CSMD3: variants seen among roughly 807,000 people sequenced by gnomAD.
The protein encoded by CSMD3 is CUB and Sushi multiple domains 3.
Under a neutral mutation model 435.2 loss-of-function variants are expected in CSMD3, and 177 were observed. The observed-to-expected ratio is 0.41, with a 90% CI of 0.36 to 0.46. The LOEUF (loss-of-function observed/expected upper bound fraction) is 0.46, where lower values mean the gene tolerates loss of function less well. Among genes scored for constraint, CSMD3 ranks in the 20% least tolerant of loss-of-function variants. CSMD3 has a pLI of 0.34. For missense variants in CSMD3, 4,265 were observed against 4,504.6 expected (o/e 0.95, Z 1.52); for synonymous variants, 1,656 against 1,520.5 (o/e 1.09, Z -2.07).
At chr8:112,847,083 G>C (rs550393020) in intron 11 of CSMD3, among the ~76,000 whole-genome samples, 3 of 152,118 alleles carry the variant, frequency 2.0e-5, no homozygotes, top group African/African-American at 7.2e-5. Flanking sequence ...GCTTTGTTAA[G>C]ACTGCCAACC....
At chr8:112,277,947 T>A (rs1410703003) in intron 59 of CSMD3, among the ~76,000 whole-genome samples, 3 of 152,136 alleles carry the variant, frequency 2.0e-5, no homozygotes, top group Admixed American at 1.3e-4. Context: ...GGAGCTACAA[T>A]CTAAGATGAG....
intron 1 of CSMD3, among the ~76,000 whole-genome samples, chr8:113,415,048 G>C (rs1392805466): frequency 1.3e-5 from 2 of 152,136 alleles, no homozygotes; most frequent in African/African-American, 4.8e-5. Flanking sequence ...CTAGTGAAAA[G>C]TAAGTTAATA....
At chr8:112,266,890 A>G (rs552885051) in intron 59 of CSMD3, among the ~76,000 whole-genome samples, 6 of 152,316 alleles carry the variant, frequency 3.9e-5, no homozygotes, top group African/African-American at 1.4e-4. Flanking sequence ...TACAAGTTAC[A>G]CTTTATTTTC....
intron 13 of CSMD3, among the ~76,000 whole-genome samples, chr8:112,797,727 G>A (rs139078171): frequency 7.5e-4 from 114 of 151,826 alleles, no homozygotes; most frequent in African/African-American, 2.7e-3. Context: ...AGGTGAACTT[G>A]CTAAAACTAT....
intron 12 of CSMD3, among the ~76,000 whole-genome samples, chr8:112,814,793 A>G (rs2132405507): frequency 6.6e-6 from 1 of 152,150 alleles, no homozygotes; most frequent in Non-Finnish European, 1.5e-5. Flanking sequence ...AAAAAAAAAA[A>G]AAATTTTTTT....
chr8:113,030,493 C>A (rs2087059947), intron 5 of CSMD3, among the ~76,000 whole-genome samples: 1 of 136,720 alleles, frequency 7.3e-6, no homozygotes, highest in South Asian at 2.3e-4. Context: ...CAGAAATAAA[C>A]CCAAATCCTT....
intron 16 of CSMD3, among the ~76,000 whole-genome samples, chr8:112,674,209 G>A (rs2075721689): frequency 6.6e-6 from 1 of 152,106 alleles, no homozygotes; most frequent in South Asian, 2.1e-4. Flanking sequence ...TCAGCACTTG[G>A]AGTAGAGAAG....
chr8:112,934,823 T>C (rs1185442855), intron 9 of CSMD3, among the ~76,000 whole-genome samples: 1 of 152,146 alleles, frequency 6.6e-6, no homozygotes, highest in East Asian at 1.9e-4. Flanking sequence ...ACTCTGTGAA[T>C]CTAGATGTAT....
At chr8:113,385,799 GA>G in intron 1 of CSMD3, among the ~76,000 whole-genome samples, 1 of 152,038 alleles carries the variant, frequency 6.6e-6, no homozygotes. Flanking sequence ...GATGGAGAGA[GA>G]AAAGAAGAAA....
At chr8:113,259,373 C>T (rs1282047909) in intron 3 of CSMD3, among the ~76,000 whole-genome samples, 1 of 152,136 alleles carries the variant, frequency 6.6e-6, no homozygotes, top group African/African-American at 2.4e-5. Flanking sequence ...GGATTAGCCT[C>T]AGGCAGAAAC....
intron 12 of CSMD3, among the ~76,000 whole-genome samples, chr8:112,816,472 T>G (rs1005081471): frequency 5.3e-5 from 8 of 152,150 alleles, no homozygotes; most frequent in Non-Finnish European, 1.2e-4. Context: ...CTAAAAAATA[T>G]CACCTTTCGC....
intron 52 of CSMD3, among the ~76,000 whole-genome samples, chr8:112,302,815 C>CA (rs986685413): frequency 6.6e-6 from 1 of 150,546 alleles, no homozygotes; most frequent in Admixed American, 6.6e-5. Context: ...CTCATCCCCC[C>CA]AAAAAAAATC....
intron 10 of CSMD3, among the ~76,000 whole-genome samples, chr8:112,879,487 C>T (rs1004441188): frequency 6.6e-6 from 1 of 152,034 alleles, no homozygotes. Context: ...TCACTCTGAC[C>T]TTCTGCTTTG....
intron 3 of CSMD3, among the ~76,000 whole-genome samples, chr8:113,238,358 C>G (rs774467162): frequency 2.0e-5 from 3 of 152,018 alleles, no homozygotes; most frequent in Non-Finnish European, 2.9e-5. Flanking sequence ...GGGAAAACAT[C>G]CACTTTTTCA....
rs56269027 is a variant in CSMD3, at chr8:113,318,786, ATGTGTGTGTGTGTG to A, written c.179-4007_179-3994del. Among the ~76,000 whole-genome samples the A allele has an allele frequency of 1.0e-4, 14 of 140,156 alleles. No homozygotes were observed. In the South Asian group the frequency reaches 2.1e-3, roughly 21 times the overall value. 91.9% of individuals were successfully genotyped at this position (140,156 alleles called of 152,430 possible). On this transcript the variant is annotated intron_variant, in intron 1 of 70. Coordinates refer to ENST00000297405, the MANE Select transcript of CSMD3 (RefSeq NM_198123.2). ...ATTTCCTCTTTTAAGGCTGAATAAG[ATGTGTGTGTGTGTG>A]TGTGTGTGTGTGTGTGTGTGTGTAA...
intron 3 of CSMD3, among the ~76,000 whole-genome samples, chr8:113,205,454 T>C (rs998931868): frequency 6.6e-6 from 1 of 152,150 alleles, no homozygotes; most frequent in African/African-American, 2.4e-5. Context: ...TCACATGCTA[T>C]ACAGATTTGT....
chr8:113,436,628 G>A, intron 1 of CSMD3, 49 bp downstream of exon 1: 1 of 1,554,578 alleles, frequency 6.4e-7, no homozygotes, highest in Non-Finnish European at 8.9e-7. Context: ...CCATCTACAA[G>A]TCAGCCCACC....
intron 38 of CSMD3, among the ~76,000 whole-genome samples, chr8:112,377,156 A>G (rs1195664424): frequency 2.0e-5 from 3 of 152,106 alleles, no homozygotes; most frequent in African/African-American, 7.2e-5. Flanking sequence ...AAAAACACTT[A>G]TAATAAAAAA....
chr8:113,360,444 G>T lies in CSMD3; in HGVS notation c.179-45651C>A, dbSNP rs570276921. 5.8e-4 allele frequency among the ~76,000 whole-genome samples: 88 copies of T among 152,140 alleles called. No individual in the cohort carries two copies. In the Middle Eastern group the frequency reaches 0.01, roughly 18 times the overall value. The stretch of plus-strand genomic sequence containing the variant: ...TTGATTTATTTTGTTTATCTCATAT[G>T]CTAAAATACACATTTTGTGCTTCAA... On this transcript the variant is annotated intron_variant, in intron 1 of 70. Transcript: ENST00000297405.
Sources: gnomAD v4.1 joint callset for allele counts (sites outside exome capture counted in the v4.1 genomes callset) on GRCh38, gnomAD v4.1.1 for gene constraint, MANE v1.5 for transcripts, NCBI Gene and HGNC (gene_info 2026-07-23, HGNC 2026-07-21) for gene names.